Variants in DPPA2 observed in about 807,000 individuals in gnomAD.
DPPA2 encodes the protein developmental pluripotency-associated protein 2.
DPPA2 carries 26 observed loss-of-function variants against 36.2 expected under a neutral mutation model. That is an observed-to-expected ratio of 0.72 (90% CI 0.53 to 1.00). The LOEUF is 1.00. Ranked by LOEUF, DPPA2 falls within the 50% of genes least tolerant of loss-of-function variation. The pLI, the probability that DPPA2 is intolerant of heterozygous loss-of-function variation, is 0.00. For missense variants in DPPA2, 361 were observed against 365.1 expected (o/e 0.99, Z 0.09); for synonymous variants, 113 against 123.2 (o/e 0.92, Z 0.55).
chr3:109,300,848 C>CACTTCTGGA (rs1271930682), intron 7 of DPPA2, among the ~76,000 whole-genome samples: 1 of 147,240 alleles, frequency 6.8e-6, no homozygotes, highest in Non-Finnish European at 1.5e-5. Context: ...AAAAAGAATG[C>CACTTCTGGA]ACTTCTGGAG....
intron 3 of DPPA2, among the ~76,000 whole-genome samples, chr3:109,309,715 A>G (rs1707661420): frequency 6.6e-6 from 1 of 151,436 alleles, no homozygotes. Flanking sequence ...TTTTACAAAG[A>G]TCTTTTCACA....
chr3:109,314,161 ATTATC>A (rs1483227121), intron 2 of DPPA2, among the ~76,000 whole-genome samples: 1 of 152,042 alleles, frequency 6.6e-6, no homozygotes, highest in Non-Finnish European at 1.5e-5. Flanking sequence ...TTAATTTTTA[ATTATC>A]TTTTCTCTAA....
chr3:109,300,821 CAAAAA>C (rs767043097), intron 7 of DPPA2, among the ~76,000 whole-genome samples: 3 of 68,070 alleles, frequency 4.4e-5, no homozygotes, highest in African/African-American at 9.6e-5. Context: ...GACTCAGTCT[CAAAAA>C]AAAAAAAAAA....
At chr3:109,304,783 T>A (rs1443589989) in intron 6 of DPPA2, 113 bp from the exon 7 acceptor site, 1 of 1,025,700 alleles carries the variant, frequency 9.7e-7, no homozygotes, top group African/African-American at 1.6e-5. Flanking sequence ...ATCAATTGAA[T>A]GAGATGCATG....
chr3:109,294,878 G>A (rs112050590), intron 8 of DPPA2, among the ~76,000 whole-genome samples: 3,067 of 152,084 alleles, frequency 0.02, 38 homozygotes, highest in Non-Finnish European at 0.03. Flanking sequence ...AAAATTAGTC[G>A]GGCATGGTGG....
At chr3:109,303,533 C>A (rs570578127) in intron 7 of DPPA2, among the ~76,000 whole-genome samples, 2 of 151,990 alleles carry the variant, frequency 1.3e-5, no homozygotes, top group Admixed American at 1.3e-4. Flanking sequence ...CCACGCCCAG[C>A]TAATTTTGTA....
intron 7 of DPPA2, among the ~76,000 whole-genome samples, chr3:109,303,561 G>A (rs904122585): frequency 6.6e-6 from 1 of 151,404 alleles, no homozygotes; most frequent in Non-Finnish European, 1.5e-5. Flanking sequence ...TAGAGACGGG[G>A]TTTCTCCATA....
At chr3:109,310,470 TAA>T (rs1284973318) in intron 3 of DPPA2, among the ~76,000 whole-genome samples, 1 of 149,842 alleles carries the variant, frequency 6.7e-6, no homozygotes, top group African/African-American at 2.5e-5. Flanking sequence ...TTGCCCATTA[TAA>T]TAGCAGACCT....
intron 2 of DPPA2, among the ~76,000 whole-genome samples, chr3:109,313,715 A>C (rs74547038): frequency 0.037 from 5,557 of 152,138 alleles, 335 homozygotes; most frequent in African/African-American, 0.12. Flanking sequence ...GTCCTATTGC[A>C]ATATTCTCTT....
intron 8 of DPPA2, among the ~76,000 whole-genome samples, chr3:109,299,308 C>T (rs941532527): frequency 4.0e-5 from 6 of 151,870 alleles, no homozygotes; most frequent in East Asian, 1.9e-4. Context: ...ATTAGGAGTT[C>T]GAGACAAGCC....
intron 5 of DPPA2, among the ~76,000 whole-genome samples, chr3:109,308,563 T>C (rs994363887): frequency 3.3e-5 from 5 of 152,156 alleles, no homozygotes; most frequent in African/African-American, 9.7e-5. Flanking sequence ...GGTTTCTCCA[T>C]GTTGGTCAGG....
intron 8 of DPPA2, among the ~76,000 whole-genome samples, chr3:109,298,169 A>G (rs1182128813): frequency 6.6e-6 from 1 of 152,192 alleles, no homozygotes; most frequent in Non-Finnish European, 1.5e-5. Flanking sequence ...GGGATTTCTA[A>G]GGTAGTGAAA....
At chr3:109,304,711 A>G (rs1424122581) in intron 6 of DPPA2, 41 bp from the exon 7 acceptor site, 5 of 1,538,456 alleles carry the variant, frequency 3.3e-6, no homozygotes, top group Non-Finnish European at 4.4e-6. Context: ...AAATCAAGAT[A>G]GCACCCCAAC....
At chr3:109,314,639 C>T (rs1707760744) in intron 1 of DPPA2, 84 bp from the exon 2 acceptor site, 1 of 1,310,740 alleles carries the variant, frequency 7.6e-7, no homozygotes, top group Non-Finnish European at 1.1e-6. Flanking sequence ...GCAAATGTTT[C>T]CTTCTACTTC....
intron 8 of DPPA2, among the ~76,000 whole-genome samples, chr3:109,294,701 T>C (rs1176123754): frequency 6.6e-6 from 1 of 152,202 alleles, no homozygotes; most frequent in Non-Finnish European, 1.5e-5. Flanking sequence ...AATTACTAAA[T>C]TAGCCTTCAT....
intron 7 of DPPA2, among the ~76,000 whole-genome samples, chr3:109,302,892 G>A (rs1169085339): frequency 6.6e-6 from 1 of 151,916 alleles, no homozygotes; most frequent in African/African-American, 2.4e-5. Flanking sequence ...GTGTTTATGT[G>A]CATGTATATT....
chr3:109,297,759 T>A lies in DPPA2; in HGVS notation c.*22+2612A>T, dbSNP rs539231123. Among the ~76,000 whole-genome samples, 21 of 152,236 alleles carry A rather than the reference T, an allele frequency of 1.4e-4. No homozygotes were observed. The South Asian group carries it at 4.4e-3, about 32-fold the overall frequency. The stretch of plus-strand genomic sequence containing the variant: ...ACATATTGCTATCTGAAAGCCAATA[T>A]GAAAAGGCTACACACTGTATAATTC... On this transcript the variant is annotated intron_variant, in intron 8 of 8. Transcript: ENST00000478945.
intron 2 of DPPA2, 80 bp from the exon 3 acceptor site, chr3:109,312,772 T>C: frequency 6.5e-7 from 1 of 1,543,360 alleles, no homozygotes. Flanking sequence ...AAGTCATGAA[T>C]AAGGAACTGA....
intron 3 of DPPA2, among the ~76,000 whole-genome samples, chr3:109,310,433 A>T (rs1576823834): frequency 7.1e-6 from 1 of 140,764 alleles, no homozygotes; most frequent in Non-Finnish European, 1.5e-5. Flanking sequence ...AAAAAAAGGG[A>T]GGTAAGAGAT....
Sources: gnomAD v4.1 joint callset for allele counts (sites outside exome capture counted in the v4.1 genomes callset) on GRCh38, gnomAD v4.1.1 for gene constraint, MANE v1.5 for transcripts, NCBI Gene and HGNC (gene_info 2026-07-23, HGNC 2026-07-21) for gene names.